The following LMLN variants were observed in gnomAD, a reference collection of about 807,000 sequenced individuals.
LMLN encodes leishmanolysin like peptidase, also known as leishmanolysin-like peptidase.
LMLN carries 70 observed loss-of-function variants against 92.3 expected under a neutral mutation model. The observed-to-expected ratio is 0.76, with a 90% CI of 0.63 to 0.92. The LOEUF is 0.92. Ranked by LOEUF, LMLN falls within the 40% of genes least tolerant of loss-of-function variation. LMLN has a pLI of 0.00. For missense variants in LMLN, 691 were observed against 814.6 expected (o/e 0.85, Z 1.85); for synonymous variants, 308 against 296.2 (o/e 1.04, Z -0.41).
intron 11 of LMLN, 55 bp downstream of exon 11, chr3:197,999,397 T>G: frequency 8.3e-7 from 1 of 1,199,792 alleles, no homozygotes; most frequent in Non-Finnish European, 1.2e-6. Context: ...AAATTAATAC[T>G]GAGCTTATAG....
At chr3:198,012,796 T>C (rs547136680) in intron 11 of LMLN, among the ~76,000 whole-genome samples, 2 of 143,284 alleles carry the variant, frequency 1.4e-5, no homozygotes, top group African/African-American at 5.3e-5. Flanking sequence ...GACTTCTCTG[T>C]ACCCTTCAGA....
At chr3:198,039,058 A>T (rs1386132676) in exon 16 of LMLN, 1 of 189,632 alleles carries the variant, frequency 5.3e-6, no homozygotes, top group Non-Finnish European at 1.1e-5. Context: ...TCTGCAACCC[A>T]ACCACTTTCA....
intron 15 of LMLN, among the ~76,000 whole-genome samples, chr3:198,036,783 A>G (rs1207775482): frequency 6.6e-6 from 1 of 152,230 alleles, no homozygotes; most frequent in African/African-American, 2.4e-5. Context: ...TCACAATTAA[A>G]ATTTTGATTT....
intron 11 of LMLN, among the ~76,000 whole-genome samples, chr3:198,000,566 T>C (rs1722144175): frequency 6.6e-6 from 1 of 152,186 alleles, no homozygotes; most frequent in South Asian, 2.1e-4. Flanking sequence ...TAGCTGGGAC[T>C]ACAGGCGTGC....
intron 5 of LMLN, among the ~76,000 whole-genome samples, chr3:197,979,081 C>T (rs987370582): frequency 3.9e-5 from 6 of 152,170 alleles, no homozygotes; most frequent in Non-Finnish European, 8.8e-5. Context: ...TACAACAGAA[C>T]TCTTGAACTT....
At chr3:197,997,020 C>G (rs1354036587) in intron 10 of LMLN, among the ~76,000 whole-genome samples, 1 of 139,846 alleles carries the variant, frequency 7.2e-6, no homozygotes, top group African/African-American at 3.2e-5. Context: ...CTTTTCCTTT[C>G]TTTTCTTTTC....
chr3:198,009,341 T>C (rs188434301), intron 11 of LMLN, among the ~76,000 whole-genome samples: 2 of 152,348 alleles, frequency 1.3e-5, no homozygotes. Flanking sequence ...TGTTTAGGAT[T>C]GTTATATTTT....
At chr3:198,003,390 T>TA (rs1197358417) in intron 11 of LMLN, among the ~76,000 whole-genome samples, 1 of 152,202 alleles carries the variant, frequency 6.6e-6, no homozygotes, top group African/African-American at 2.4e-5. Flanking sequence ...CATAAATATA[T>TA]ATATTTTACA....
chr3:198,035,577 G>A (rs1194665164), intron 14 of LMLN, among the ~76,000 whole-genome samples: 1 of 151,840 alleles, frequency 6.6e-6, no homozygotes, highest in Non-Finnish European at 1.5e-5. Flanking sequence ...TGGCCAGGAT[G>A]ATCTCGATCT....
intron 14 of LMLN, 21 bp from the exon 16 acceptor site, chr3:198,035,811 TC>T: frequency 6.5e-7 from 1 of 1,532,366 alleles, no homozygotes; most frequent in Non-Finnish European, 9.0e-7. Flanking sequence ...TTTTTATATA[TC>T]TATTTTTTTC....
intron 1 of LMLN, among the ~76,000 whole-genome samples, chr3:197,966,878 T>G (rs1721075211): frequency 6.6e-6 from 1 of 152,080 alleles, no homozygotes; most frequent in African/African-American, 2.4e-5. Context: ...TATACAGCCT[T>G]AAATGACTTG....
At chr3:197,967,762 C>G (rs1721099697) in intron 1 of LMLN, among the ~76,000 whole-genome samples, 1 of 152,160 alleles carries the variant, frequency 6.6e-6, no homozygotes, top group South Asian at 2.1e-4. Flanking sequence ...ATATTTCAGT[C>G]CTTATCTCAA....
At chr3:198,035,395 G>T (rs1405332452) in intron 14 of LMLN, among the ~76,000 whole-genome samples, 1 of 123,948 alleles carries the variant, frequency 8.1e-6, no homozygotes, top group African/African-American at 3.4e-5. Flanking sequence ...ACGGAGTCTC[G>T]CTCTGTTGGC....
intron 13 of LMLN, among the ~76,000 whole-genome samples, chr3:198,022,125 C>G (rs1222717891): frequency 6.6e-6 from 1 of 152,160 alleles, no homozygotes; most frequent in Non-Finnish European, 1.5e-5. Context: ...GCTTTTTCCT[C>G]TTGTGGGGAA....
rs1240949988 is a variant in LMLN at position 198,019,424 on chromosome 3, T to C, written c.1365+39T>C. The C allele has an allele frequency of 1.3e-6, 2 of 1,563,878 alleles. No individual in the cohort carries two copies. The highest frequency in any genetic ancestry group is 1.7e-4 in the Middle Eastern group (1 of 5,840). ...GGGGCACAGTTTCAGGAATCAGCTT[T>C]TCAAAAGTAGTCTCCATTTTAACTA... is the stretch of plus-strand genomic sequence containing the variant. On this transcript the variant is annotated intron_variant, in intron 12 of 15. Transcript: ENST00000330198. The surrounding 1 kb of genome is among the most constrained non-coding windows in gnomAD (Gnocchi z 5.5).
chr3:197,999,473 A>G (rs1456300941), intron 11 of LMLN, 131 bp downstream of exon 11: 17 of 643,362 alleles, frequency 2.6e-5, no homozygotes, highest in Middle Eastern at 2.6e-4. Flanking sequence ...AATCTTGTAC[A>G]GTTAGCTGTC....
chr3:198,009,677 T>C (rs1309556032), intron 11 of LMLN, among the ~76,000 whole-genome samples: 3 of 144,310 alleles, frequency 2.1e-5, no homozygotes, highest in Non-Finnish European at 2.9e-5. Flanking sequence ...GCTATTCTTA[T>C]CATCTGTTTC....
intron 1 of LMLN, among the ~76,000 whole-genome samples, chr3:197,961,732 C>G (rs1720899463): frequency 6.6e-6 from 1 of 152,156 alleles, no homozygotes; most frequent in African/African-American, 2.4e-5. Flanking sequence ...GACTATACCT[C>G]TGTTCAATGC....
At chr3:197,984,552 CA>C (rs1413938431) in intron 7 of LMLN, among the ~76,000 whole-genome samples, 1 of 151,852 alleles carries the variant, frequency 6.6e-6, no homozygotes, top group African/African-American at 2.4e-5. Flanking sequence ...CTCCTGGGCT[CA>C]AGTGATCCCA....
Sources: gnomAD v4.1 joint callset for allele counts (sites outside exome capture counted in the v4.1 genomes callset) on GRCh38, gnomAD v4.1.1 for gene constraint, Gnocchi (gnomAD v3.1) non-coding constraint, MANE v1.5 for transcripts, NCBI Gene and HGNC (gene_info 2026-07-23, HGNC 2026-07-21) for gene names.